RYR1: variants seen among roughly 807,000 people sequenced by gnomAD.
RYR1 encodes central core disease of muscle.
A neutral mutation model predicts 583.5 loss-of-function variants in RYR1; 342 were observed. That is an observed-to-expected ratio of 0.59 (90% CI 0.54 to 0.64). RYR1 has a LOEUF of 0.64. Among genes scored for constraint, RYR1 ranks in the 30% least tolerant of loss-of-function variants. The pLI is 0.00. For missense variants in RYR1, 6,032 were observed against 6,917.2 expected (o/e 0.87, Z 4.54); for synonymous variants, 2,791 against 2,822.5 (o/e 0.99, Z 0.35).
intron 56 of RYR1, 111 bp from the exon 57 acceptor site, chr19:38,506,718 C>G: frequency 2.0e-6 from 3 of 1,527,958 alleles, no homozygotes; most frequent in Non-Finnish European, 2.7e-6. Context: ...TTCCGTTATT[C>G]GTATCTTCTT....
In RYR1 at chr19:38,565,511, G is replaced by GGCGAGCA; in HGVS notation, c.13180_13186dup (p.Pro4396ArgfsTer189). On this transcript the variant is annotated frameshift_variant, in exon 91 of 106. Transcript: ENST00000359596. LOFTEE classifies it high-confidence loss of function. This position sits in a 1 kb window ranked among gnomAD's most constrained non-coding sequence, Gnocchi z 4.7. ...CGACCCCACCAGCGACGAGGTGCAC[G>GGCGAGCA]GCGAGCAGCCGGCCGGGCCGGGCGG... 1 of 1,503,806 alleles carries GGCGAGCA rather than the reference G, an allele frequency of 6.6e-7. No homozygotes were observed. Among genetic ancestry groups the GGCGAGCA allele is most frequent in the Non-Finnish European group, 8.8e-7 (1 of 1,133,748 alleles). The allele number at this position is 1,503,806 out of a possible 1,614,324, so 93.2% of individuals were successfully genotyped here.
In RYR1 at chr19:38,485,573, T is replaced by TC; in HGVS notation, c.4935-14dup. On this transcript the variant is annotated splice_polypyrimidine_tract_variant and intron_variant, in intron 33 of 105. Coordinates refer to ENST00000359596, the MANE Select transcript of RYR1 (RefSeq NM_000540.3). ...GCTCATTCATCTGTCCCTGTCTGTT[T>TC]CCCACCTCTGCTGCAGGTGCATGGA... The TC allele has an allele frequency of 6.2e-7, 1 of 1,607,160 alleles. No homozygotes were observed. Among genetic ancestry groups the TC allele is most frequent in the Non-Finnish European group, 8.5e-7 (1 of 1,179,896 alleles).
intron 29 of RYR1, 45 bp from the exon 30 acceptor site, chr19:38,477,665 C>G: frequency 6.2e-7 from 1 of 1,613,742 alleles, no homozygotes; most frequent in Non-Finnish European, 8.5e-7. Flanking sequence ...AGCCCGAGTC[C>G]CTGACTTCCA....
At chr19:38,529,845 G>C (rs1971651656) in intron 76 of RYR1, among the ~76,000 whole-genome samples, 1 of 152,154 alleles carries the variant, frequency 6.6e-6, no homozygotes, top group South Asian at 2.1e-4. Context: ...TGCTTATTAT[G>C]TGTCAGGCAC....
intron 67 of RYR1, among the ~76,000 whole-genome samples, chr19:38,522,608 CAGAA>C (rs754219508): frequency 1.7e-4 from 25 of 151,180 alleles, no homozygotes; most frequent in South Asian, 4.2e-4. Context: ...GACCCTGTCT[CAGAA>C]AGAAAGAAAG....
At chr19:38,485,555 C>G (rs1969236256) in intron 33 of RYR1, 35 bp from the exon 34 acceptor site, 1 of 1,604,706 alleles carries the variant, frequency 6.2e-7, no homozygotes, top group Admixed American at 1.7e-5. Context: ...GAGGCTCATT[C>G]ATCTGTCCCT....
chr19:38,442,478 CG>C (rs1397453892), intron 3 of RYR1, 25 bp downstream of exon 3: 4 of 1,570,824 alleles, frequency 2.5e-6, no homozygotes, highest in Non-Finnish European at 3.5e-6. Context: ...TGGGGGTGGG[CG>C]GGGTGGCAGA....
rs1266770246 is a variant in RYR1, at chr19:38,460,715, C to G, written c.2577+124C>G. On this transcript the variant is annotated intron_variant, in intron 20 of 105. Coordinates refer to ENST00000359596, the MANE Select transcript of RYR1 (RefSeq NM_000540.3). ...TTGGATGGCCAGGCGTGGTGGCTCA[C>G]GCCTGTAAGCCCAGCAATTTGGGAG... The G allele has an allele frequency of 1.6e-5, 15 of 923,946 alleles. No homozygotes were observed. In the East Asian group the frequency reaches 2.6e-4, roughly 16 times the overall value. The allele number at this position is 923,946 out of a possible 1,614,324, so 57.2% of individuals were successfully genotyped here. A position where few individuals can be genotyped will look rare whatever the true frequency, so the allele number is the denominator to read the frequency against.
intron 25 of RYR1, 91 bp downstream of exon 25, chr19:38,467,903 C>G: frequency 1.6e-6 from 2 of 1,212,486 alleles, no homozygotes; most frequent in Non-Finnish European, 2.4e-6. Context: ...GTGCCTCACT[C>G]TGTCCCCACT....
rs150158699 is a variant in RYR1 at position 38,518,257 on chromosome 19, G to C, written c.10018+566G>C. Among the ~76,000 whole-genome samples the C allele has an allele frequency of 9.4e-4, 143 of 152,176 alleles. 1 individual carries two copies. Among genetic ancestry groups the C allele is most frequent in the African/African-American group, 3.4e-3 (140 of 41,506 alleles). ...GGATCCTCAAAGCGTTAGGTTTCCT[G>C]ATTCAGAAGTTTCATGTCAGGGCCA... On this transcript the variant is annotated intron_variant, in intron 66 of 105. Coordinates refer to ENST00000359596, the MANE Select transcript of RYR1 (RefSeq NM_000540.3).
Position 38,506,559 on chromosome 19 carries a change from A to T in RYR1, c.8692+13A>T. 2 of 1,613,482 alleles carry T rather than the reference A, an allele frequency of 1.2e-6. No homozygotes were observed. The highest frequency in any genetic ancestry group is 1.7e-6 in the Non-Finnish European group (2 of 1,179,702). Reference sequence around the variant, plus strand: ...CTGGAAGCCAAAGGTGAGGGCGCCCATGCCGCCCCCACGCTACCCCCGTGG... The same window carrying T: ...CTGGAAGCCAAAGGTGAGGGCGCCCTTGCCGCCCCCACGCTACCCCCGTGG... On this transcript the variant is annotated intron_variant, in intron 56 of 105. Coordinates refer to ENST00000359596, the MANE Select transcript of RYR1 (RefSeq NM_000540.3).
At chr19:38,579,243 T>C (rs1256988584) in intron 99 of RYR1, among the ~76,000 whole-genome samples, 1 of 152,052 alleles carries the variant, frequency 6.6e-6, no homozygotes, top group East Asian at 1.9e-4. Flanking sequence ...CTGGCCATCA[T>C]GGTGAAACCC....
chr19:38,466,198 A>G lies in RYR1; in HGVS notation c.2978A>G (p.Asn993Ser). ...GACCGTCTGGCAGAAAATGGGCACA[A>G]CGTGTGGGCCCGAGACCGCGTGGGC... ...LVDRLAENGH[N>S]VWARDRVGQG... Residue 993 changes from asparagine to serine, a missense_variant, in exon 24 of 106, where the codon AAC becomes AGC. Asn to Ser is a conservative substitution (Grantham distance 46, BLOSUM62 1). Transcript: ENST00000359596. 1 of 1,613,584 alleles carries G rather than the reference A, an allele frequency of 6.2e-7. No homozygotes were observed. Among genetic ancestry groups the G allele is most frequent in the Non-Finnish European group, 8.5e-7 (1 of 1,179,954 alleles).
chr19:38,442,876 C>T (rs535627990), intron 3 of RYR1, among the ~76,000 whole-genome samples: 3 of 152,226 alleles, frequency 2.0e-5, no homozygotes, highest in African/African-American at 4.8e-5. Context: ...AGCTCCTCTC[C>T]GCATGGGACC....
At chr19:38,519,885 G>A (rs544916772) in intron 67 of RYR1, among the ~76,000 whole-genome samples, 1 of 151,962 alleles carries the variant, frequency 6.6e-6, no homozygotes, top group South Asian at 2.1e-4. Flanking sequence ...CACCATGTTG[G>A]CCAGGCTGGT....
intron 95 of RYR1, among the ~76,000 whole-genome samples, chr19:38,572,473 A>T (rs1973766495): frequency 6.6e-6 from 1 of 152,076 alleles, no homozygotes; most frequent in South Asian, 2.1e-4. Context: ...GACGACATTC[A>T]GATTGGGAAC....
Position 38,570,563 on chromosome 19 carries a change from G to C in RYR1, c.13660-44G>C, listed in dbSNP as rs751765375. ...GATGGGATGAATTCTCCAGGGAAGA[G>C]GCTGATCTGTGAGCGCTTTCTCTCT... is the stretch of plus-strand genomic sequence containing the variant. On this transcript the variant is annotated intron_variant, in intron 93 of 105. Transcript: ENST00000359596. 4 of 1,471,586 alleles carry C rather than the reference G, an allele frequency of 2.7e-6. No individual in the cohort carries two copies. The East Asian group carries it at 9.1e-5, about 33-fold the overall frequency. 91.2% of individuals were successfully genotyped at this position (1,471,586 alleles called of 1,614,324 possible).
chr19:38,494,408 G>A lies in RYR1; in HGVS notation c.6331G>A (p.Val2111Met), dbSNP rs773607432. 5.0e-6 allele frequency: 8 copies of A among 1,611,944 alleles called. No individual in the cohort carries two copies. Among genetic ancestry groups the A allele is most frequent in the South Asian group, 1.1e-5 (1 of 91,008 alleles). ...GGTGCGCTGGGCCCAAGAGGACTTC[G>A]TGCAGAGCCCCGAGCTGGTGCGGGC... ...MVVRWAQEDF[V>M]QSPELVRAMF... The change falls in exon 39 of 106, where the codon GTG becomes ATG. Residue 2111 changes from valine to methionine, a missense_variant. By Grantham distance (21) the Val-to-Met change is conservative. Coordinates refer to ENST00000359596, the MANE Select transcript of RYR1 (RefSeq NM_000540.3).
At chr19:38,504,073 C>A in intron 49 of RYR1, 147 bp from the exon 50 acceptor site, 1 of 879,584 alleles carries the variant, frequency 1.1e-6, no homozygotes, top group South Asian at 1.6e-5. Context: ...CATACCATTT[C>A]TTCCCTTATT....
Sources: allele counts gnomAD v4.1 joint callset (sites outside exome capture counted in the v4.1 genomes callset), GRCh38; gene constraint gnomAD v4.1.1; non-coding constraint Gnocchi (gnomAD v3.1); transcripts MANE v1.5; gene names NCBI Gene and HGNC (gene_info 2026-07-23, HGNC 2026-07-21).